Variants in NCALD observed in about 807,000 individuals in gnomAD.
The protein encoded by NCALD is neurocalcin delta.
In NCALD, 10 loss-of-function variants were observed where a neutral mutation model predicts 18.6. The observed-to-expected ratio is 0.54, with a 90% CI of 0.33 to 0.91. The LOEUF (loss-of-function observed/expected upper bound fraction) is 0.91, where lower values mean the gene tolerates loss of function less well. Ranked by LOEUF, NCALD falls within the 40% of genes least tolerant of loss-of-function variation. The probability of loss-of-function intolerance (pLI) is 0.03; values close to 1 mark genes in which losing one functional copy is unlikely to be tolerated. For missense variants in NCALD, 184 were observed against 247.6 expected (o/e 0.74, Z 1.72); for synonymous variants, 88 against 87.4 (o/e 1.01, Z -0.04).
intron 4 of NCALD, among the ~76,000 whole-genome samples, chr8:101,811,386 G>A (rs1235445496): frequency 6.6e-6 from 1 of 152,130 alleles, no homozygotes; most frequent in Admixed American, 6.6e-5. Context: ...GAAAAGGAAA[G>A]GAAGTTGATC....
rs1178252840 is a variant in NCALD at position 101,801,648 on chromosome 8, T to TC, written c.-19-82001_-19-82000insG. On this transcript the variant is annotated intron_variant, in intron 4 of 6. Coordinates refer to the NCALD transcript ENST00000311028. Reference sequence around the variant, plus strand: ...ATGATTTACAAGCACACTTACTTTTTTTTTTTTTTTTTTTTTTTTTTTTTT... The same window carrying TC: ...ATGATTTACAAGCACACTTACTTTTTCTTTTTTTTTTTTTTTTTTTTTTTTT... Among the ~76,000 whole-genome samples the TC allele has an allele frequency of 8.3e-3, 519 of 62,636 alleles. 3 individuals carry two copies. The highest frequency in any genetic ancestry group is 0.031 in the African/African-American group (172 of 5,478). 41.1% of individuals were successfully genotyped at this position (62,636 alleles called of 152,430 possible).
intron 1 of NCALD, among the ~76,000 whole-genome samples, chr8:101,760,251 A>C (rs1811056663): frequency 6.6e-6 from 1 of 152,206 alleles, no homozygotes; most frequent in African/African-American, 2.4e-5. Flanking sequence ...CCTGGCTAGC[A>C]ACGGGCTTTA....
intron 4 of NCALD, among the ~76,000 whole-genome samples, chr8:101,851,509 C>T (rs1586631588): frequency 6.6e-6 from 1 of 152,140 alleles, no homozygotes; most frequent in South Asian, 2.1e-4. Context: ...AAACTAAAAA[C>T]TAAATATAAA....
chr8:101,821,639 T>C (rs1339277856), intron 4 of NCALD, among the ~76,000 whole-genome samples: 1 of 152,112 alleles, frequency 6.6e-6, no homozygotes, highest in Non-Finnish European at 1.5e-5. Flanking sequence ...CATGACACTA[T>C]GGAAGTCATC....
chr8:101,930,180 A>G (rs1729050736), intron 2 of NCALD, among the ~76,000 whole-genome samples: 2 of 152,234 alleles, frequency 1.3e-5, no homozygotes, highest in Non-Finnish European at 2.9e-5. Flanking sequence ...GCTTAGCATC[A>G]CAATAATCCA....
chr8:101,909,511 G>A (rs16868710), intron 3 of NCALD, among the ~76,000 whole-genome samples: 7,032 of 152,166 alleles, frequency 0.046, 253 homozygotes, highest in African/African-American at 0.1. Flanking sequence ...TACTGATGGC[G>A]CAAGTGTCAT....
At chr8:101,773,430 G>T (rs1489341305) in intron 1 of NCALD, among the ~76,000 whole-genome samples, 2 of 152,184 alleles carry the variant, frequency 1.3e-5, no homozygotes, top group Admixed American at 6.5e-5. Context: ...TGTAAGCCAG[G>T]CTAATTGTAT....
chr8:101,693,432 A>C lies in NCALD; in HGVS notation c.379-536T>G, dbSNP rs1249627500. 5 of 144,192 alleles carry C rather than the reference A, an allele frequency of 3.5e-5. No individual in the cohort carries two copies. In the East Asian group the frequency reaches 1.0e-3, roughly 30 times the overall value. The allele number at this position is 144,192 out of a possible 1,614,324, so 8.9% of individuals were successfully genotyped here. ...AAGCTTCTCCTCCCTCAGCCTCCCAAAGTGCTGGGATTACAGACATGCGCC... is the reference window on the plus strand; with the variant it reads ...AAGCTTCTCCTCCCTCAGCCTCCCACAGTGCTGGGATTACAGACATGCGCC... On this transcript the variant is annotated intron_variant, in intron 2 of 3. Transcript: ENST00000220931.
At chr8:101,983,589 T>G (rs1820700701) in intron 2 of NCALD, among the ~76,000 whole-genome samples, 1 of 152,178 alleles carries the variant, frequency 6.6e-6, no homozygotes, top group African/African-American at 2.4e-5. Context: ...ACCGAAACTG[T>G]AGGGTTGTGT....
chr8:102,094,852 C>T (rs995200143), intron 1 of NCALD, among the ~76,000 whole-genome samples: 1 of 152,076 alleles, frequency 6.6e-6, no homozygotes, highest in Non-Finnish European at 1.5e-5. Flanking sequence ...GTGATGTGTC[C>T]ACACGACAGG....
At position 101,804,343 on chromosome 8, in the gene NCALD, ATATTATATATAATTATATCAATTAT is replaced by A. The variant is rs1278680582; in HGVS notation, c.-20+82773_-20+82797del. Among the ~76,000 whole-genome samples, 4,376 of 134,334 alleles carry A rather than the reference ATATTATATATAATTATATCAATTAT, an allele frequency of 0.033. 391 individuals are homozygous for A. The East Asian group carries it at 0.35, about 11-fold the overall frequency. 88.1% of individuals were successfully genotyped at this position (134,334 alleles called of 152,430 possible). A position where few individuals can be genotyped will look rare whatever the true frequency, so the allele number is the denominator to read the frequency against. On this transcript the variant is annotated intron_variant, in intron 4 of 6. Coordinates refer to the NCALD transcript ENST00000311028. ...TATTATATATAATTATATCAATTAT[ATATTATATATAATTATATCAATTAT>A]ATATTATATGTTACTATATATAGAA... is the stretch of plus-strand genomic sequence containing the variant.
chr8:102,076,250 T>A (rs1256385614), intron 1 of NCALD, among the ~76,000 whole-genome samples: 1 of 152,176 alleles, frequency 6.6e-6, no homozygotes, highest in Non-Finnish European at 1.5e-5. Context: ...TTTTGAAATG[T>A]TTTTAAAATG....
chr8:101,997,825 G>A (rs910900156), intron 2 of NCALD, among the ~76,000 whole-genome samples: 2 of 152,136 alleles, frequency 1.3e-5, no homozygotes, highest in African/African-American at 4.8e-5. Context: ...CTACAGCTGG[G>A]GGTATGAGAG....
chr8:102,113,719 C>A (rs193132183), intron 1 of NCALD, among the ~76,000 whole-genome samples: 1 of 152,242 alleles, frequency 6.6e-6, no homozygotes, highest in East Asian at 1.9e-4. Flanking sequence ...CAAAAATGTC[C>A]CAATGTGAAC....
At chr8:102,081,470 G>A (rs1375919802) in intron 1 of NCALD, among the ~76,000 whole-genome samples, 2 of 145,232 alleles carry the variant, frequency 1.4e-5, no homozygotes, top group African/African-American at 5.0e-5. Context: ...TGGCACAAAC[G>A]GGCCCTGGGC....
chr8:101,950,109 T>C (rs1313170141), intron 2 of NCALD: 1 of 152,404 alleles, frequency 6.6e-6, no homozygotes, highest in Non-Finnish European at 1.5e-5. Flanking sequence ...TTAGCCTTGC[T>C]CTCTCCCCAA....
chr8:101,923,852 T>C (rs1234028563), intron 2 of NCALD, among the ~76,000 whole-genome samples: 1 of 152,252 alleles, frequency 6.6e-6, no homozygotes, highest in Non-Finnish European at 1.5e-5. Context: ...TATTTGAGCT[T>C]GACTATTTTA....
intron 4 of NCALD, among the ~76,000 whole-genome samples, chr8:101,877,434 T>G (rs1041448197): frequency 3.9e-5 from 6 of 152,120 alleles, no homozygotes; most frequent in Non-Finnish European, 8.8e-5. Context: ...TTACCCAGCA[T>G]TCCCTGGTTC....
chr8:101,846,097 C>T (rs1367251999), intron 4 of NCALD, among the ~76,000 whole-genome samples: 1 of 152,118 alleles, frequency 6.6e-6, no homozygotes, highest in Non-Finnish European at 1.5e-5. Flanking sequence ...TAAGTTGATT[C>T]CATATCTTGG....
Sources: allele counts gnomAD v4.1 joint callset (sites outside exome capture counted in the v4.1 genomes callset), GRCh38; gene constraint gnomAD v4.1.1; transcripts MANE v1.5; gene names NCBI Gene and HGNC (gene_info 2026-07-23, HGNC 2026-07-21).